Variants in CDK14 observed in about 807,000 individuals in gnomAD.
CDK14 encodes the protein cyclin-dependent kinase 14.
A neutral mutation model predicts 60.7 loss-of-function variants in CDK14; 34 were observed. The observed-to-expected ratio is 0.56, with a 90% CI of 0.43 to 0.75. The LOEUF (loss-of-function observed/expected upper bound fraction) is 0.75, where lower values mean the gene tolerates loss of function less well. Among genes scored for constraint, CDK14 ranks in the 30% least tolerant of loss-of-function variants. The pLI, the probability that CDK14 is intolerant of heterozygous loss-of-function variation, is 0.00. For synonymous variants in CDK14, 197 were observed against 203.7 expected, an observed-to-expected ratio of 0.97 and a Z score of 0.28; for missense variants, 482 against 564.1, an observed-to-expected ratio of 0.85 and a Z score of 1.47.
chr7:90,870,554 A>G (rs2117245812), intron 6 of CDK14, among the ~76,000 whole-genome samples: 1 of 152,374 alleles, frequency 6.6e-6, no homozygotes, highest in African/African-American at 2.4e-5. Flanking sequence ...ACATTCGGAT[A>G]CAGGGCATAC....
intron 12 of CDK14, among the ~76,000 whole-genome samples, chr7:91,104,513 G>C (rs1799231471): frequency 6.6e-6 from 1 of 152,094 alleles, no homozygotes; most frequent in South Asian, 2.1e-4. Context: ...CCCCTGACCT[G>C]GCCCTCTCAC....
intron 12 of CDK14, among the ~76,000 whole-genome samples, chr7:91,112,206 A>C (rs1173620112): frequency 6.6e-6 from 1 of 152,130 alleles, no homozygotes; most frequent in Non-Finnish European, 1.5e-5. Flanking sequence ...GGTATAGTAC[A>C]TAGATTCTAT....
intron 4 of CDK14, among the ~76,000 whole-genome samples, chr7:90,773,425 G>A (rs774494910): frequency 1.1e-4 from 16 of 152,214 alleles, no homozygotes; most frequent in Admixed American, 2.0e-4. Context: ...AGGTATTAGC[G>A]TGATTAAATG....
intron 14 of CDK14, among the ~76,000 whole-genome samples, chr7:91,182,189 T>C (rs576039159): frequency 1.3e-5 from 2 of 152,284 alleles, no homozygotes; most frequent in African/African-American, 4.8e-5. Context: ...ATATGATTAA[T>C]GAAAATGGGT....
intron 12 of CDK14, chr7:91,107,395 A>G (rs1799336460): frequency 6.6e-6 from 1 of 152,240 alleles, no homozygotes; most frequent in African/African-American, 2.4e-5. Flanking sequence ...ATGTTAAAGG[A>G]AATTTAAAAG....
At chr7:90,643,764 C>G (rs1450693089) in intron 2 of CDK14, among the ~76,000 whole-genome samples, 1 of 152,184 alleles carries the variant, frequency 6.6e-6, no homozygotes, top group Non-Finnish European at 1.5e-5. Flanking sequence ...AGAGCCAAGC[C>G]AACAGCCCTA....
chr7:90,993,179 G>A (rs895836199), intron 10 of CDK14, among the ~76,000 whole-genome samples: 2 of 152,110 alleles, frequency 1.3e-5, no homozygotes, highest in Non-Finnish European at 2.9e-5. Flanking sequence ...CAGGCCACTG[G>A]TTGGTGACTT....
intron 14 of CDK14, among the ~76,000 whole-genome samples, chr7:91,165,657 G>A (rs974082744): frequency 2.0e-5 from 3 of 152,088 alleles, no homozygotes; most frequent in South Asian, 2.1e-4. Flanking sequence ...TGCTTTTAAC[G>A]TTTACTCATC....
At chr7:91,072,352 C>T (rs1798173253) in intron 11 of CDK14, among the ~76,000 whole-genome samples, 1 of 152,144 alleles carries the variant, frequency 6.6e-6, no homozygotes, top group Non-Finnish European at 1.5e-5. Context: ...TCCTCAAGTT[C>T]ACTCCAGGTG....
At chr7:90,708,296 A>T (rs565881266) in intron 2 of CDK14, among the ~76,000 whole-genome samples, 1 of 152,124 alleles carries the variant, frequency 6.6e-6, no homozygotes, top group Non-Finnish European at 1.5e-5. Context: ...GAATGACTCA[A>T]ATAAGAAGTG....
intron 14 of CDK14, among the ~76,000 whole-genome samples, chr7:91,182,566 G>T (rs1299509061): frequency 6.6e-6 from 1 of 151,636 alleles, no homozygotes; most frequent in Admixed American, 6.6e-5. Flanking sequence ...TAAAAAAATA[G>T]GATATATATA....
Position 90,845,273 on chromosome 7 carries a change from A to G in CDK14, c.545-17902A>G, listed in dbSNP as rs571506695. Among the ~76,000 whole-genome samples, 12 of 152,246 alleles carry G rather than the reference A, an allele frequency of 7.9e-5. No homozygotes were observed. The South Asian group carries it at 1.5e-3, about 18-fold the overall frequency. ...GCATATATTCCTGAGTCTTAAAACT[A>G]TGCTTTCTATATTTTTGAAGGCATT... On this transcript the variant is annotated intron_variant, in intron 5 of 14. Transcript: ENST00000380050.
In CDK14 at chr7:90,989,938, G is replaced by A. The variant is rs151044494; in HGVS notation, c.1041+5697G>A. ...AAATTTGTATTAAGCACTAAAGAAA[G>A]TATAAGATTTTGAAGTGAAAATAAG... On this transcript the variant is annotated intron_variant, in intron 10 of 14. Coordinates refer to ENST00000380050, the MANE Select transcript of CDK14 (RefSeq NM_001287135.2). Among the ~76,000 whole-genome samples the A allele has an allele frequency of 7.8e-3, 1,189 of 152,242 alleles. 19 individuals are homozygous for A. The highest frequency in any genetic ancestry group is 0.028 in the African/African-American group (1,148 of 41,528).
intron 6 of CDK14, among the ~76,000 whole-genome samples, chr7:90,874,503 CTTTTTTTTTTTTTTTTTTTTTT>C (rs747439482): frequency 6.9e-4 from 33 of 47,968 alleles, no homozygotes; most frequent in Non-Finnish European, 1.2e-3. Context: ...TCCTTTCATC[CTTTTTTTTTTTTTTTTTTTTTT>C]TTTTTTTTTT....
intron 8 of CDK14, among the ~76,000 whole-genome samples, chr7:90,934,633 T>C (rs1793695667): frequency 6.6e-6 from 1 of 152,248 alleles, no homozygotes; most frequent in South Asian, 2.1e-4. Context: ...TGGACAGTTG[T>C]GTTTTCTGTA....
At chr7:90,630,036 CTCAAA>C (rs1210649642) in intron 2 of CDK14, among the ~76,000 whole-genome samples, 6 of 144,390 alleles carry the variant, frequency 4.2e-5, no homozygotes, top group Non-Finnish European at 3.0e-5. Flanking sequence ...GAGACACTGT[CTCAAA>C]CAAAACAAAA....
intron 5 of CDK14, among the ~76,000 whole-genome samples, chr7:90,861,694 A>G (rs1367150398): frequency 6.6e-6 from 1 of 152,214 alleles, no homozygotes; most frequent in Non-Finnish European, 1.5e-5. Flanking sequence ...AATGAAAAAG[A>G]AACAAGACAA....
At chr7:91,199,530 T>C (rs1462686027) in intron 14 of CDK14, among the ~76,000 whole-genome samples, 1 of 152,202 alleles carries the variant, frequency 6.6e-6, no homozygotes, top group Non-Finnish European at 1.5e-5. Flanking sequence ...ACCATTAAAA[T>C]AGAACATTCT....
chr7:91,044,871 C>G (rs924928296), intron 10 of CDK14, among the ~76,000 whole-genome samples: 2 of 152,156 alleles, frequency 1.3e-5, no homozygotes, highest in Non-Finnish European at 2.9e-5. Flanking sequence ...TGGAGCCTCC[C>G]TGATCCGAAC....
Sources: allele counts gnomAD v4.1 joint callset (sites outside exome capture counted in the v4.1 genomes callset), GRCh38; gene constraint gnomAD v4.1.1; transcripts MANE v1.5; gene names NCBI Gene and HGNC (gene_info 2026-07-23, HGNC 2026-07-21).